The following SLC1A2 variants were observed in gnomAD, a reference collection of about 807,000 sequenced individuals.
SLC1A2 encodes solute carrier family 1 member 2.
SLC1A2 carries 15 observed loss-of-function variants against 48.8 expected under a neutral mutation model. The observed-to-expected ratio is 0.31, with a 90% CI of 0.21 to 0.47. The LOEUF (loss-of-function observed/expected upper bound fraction) is 0.47, where lower values mean the gene tolerates loss of function less well. SLC1A2 is among the 20% of genes least tolerant of loss of function. The pLI is 0.99. For missense variants in SLC1A2, 502 were observed against 730.5 expected (o/e 0.69, Z 3.61); for synonymous variants, 279 against 272.6 (o/e 1.02, Z -0.23).
At chr11:35,345,051 G>A (rs1318384428) in intron 1 of SLC1A2, among the ~76,000 whole-genome samples, 1 of 119,320 alleles carries the variant, frequency 8.4e-6, no homozygotes, top group African/African-American at 2.8e-5. Context: ...AGTTTTGAAT[G>A]CCCCAAGAGT....
At chr11:35,310,448 C>T (rs1851652037) in intron 4 of SLC1A2, among the ~76,000 whole-genome samples, 1 of 152,202 alleles carries the variant, frequency 6.6e-6, no homozygotes, top group Admixed American at 6.5e-5. Flanking sequence ...TTTCTGCATC[C>T]AACTTCCCTG....
At chr11:35,292,244 A>G in intron 7 of SLC1A2, 43 bp downstream of exon 7, 1 of 1,431,744 alleles carries the variant, frequency 7.0e-7, no homozygotes, top group Non-Finnish European at 9.8e-7. Flanking sequence ...CAAAGAGGGC[A>G]AAAGAGTGAG....
At chr11:35,388,035 G>A (rs1308149593) in intron 1 of SLC1A2, among the ~76,000 whole-genome samples, 1 of 152,202 alleles carries the variant, frequency 6.6e-6, no homozygotes, top group East Asian at 1.9e-4. Context: ...AGAGAACATG[G>A]CCTAAGCCTC....
At chr11:35,292,936 T>G (rs1299225296) in intron 6 of SLC1A2, among the ~76,000 whole-genome samples, 2 of 152,088 alleles carry the variant, frequency 1.3e-5, no homozygotes, top group African/African-American at 4.8e-5. Context: ...AATTTGTAAA[T>G]TTGCATTGTT....
chr11:35,389,260 A>G (rs895430559), intron 1 of SLC1A2, among the ~76,000 whole-genome samples: 7 of 152,150 alleles, frequency 4.6e-5, no homozygotes, highest in East Asian at 1.9e-4. Context: ...AAATGACTCA[A>G]TGCTTAAATC....
chr11:35,373,716 T>C lies in SLC1A2; in HGVS notation c.17+45234A>G, dbSNP rs151068813. 1.4e-3 allele frequency among the ~76,000 whole-genome samples: 215 copies of C among 152,242 alleles called. 2 individuals carry two copies. The highest frequency in any genetic ancestry group is 5.0e-3 in the African/African-American group (206 of 41,556). ...GCAGCATGGGCAAGGGGCATACTTGTCTGAGAACTGGGCAAGGAGCCATTG... is the reference window on the plus strand; with the variant it reads ...GCAGCATGGGCAAGGGGCATACTTGCCTGAGAACTGGGCAAGGAGCCATTG... On this transcript the variant is annotated intron_variant, in intron 1 of 10. Coordinates refer to ENST00000278379, the MANE Select transcript of SLC1A2 (RefSeq NM_004171.4).
At chr11:35,289,775 T>C (rs1489389636) in intron 7 of SLC1A2, among the ~76,000 whole-genome samples, 1 of 152,234 alleles carries the variant, frequency 6.6e-6, no homozygotes, top group African/African-American at 2.4e-5. Context: ...TAGCTTTGAC[T>C]AAGTACAAAT....
At chr11:35,359,509 G>GCCC (rs1853602317) in intron 1 of SLC1A2, among the ~76,000 whole-genome samples, 1 of 152,190 alleles carries the variant, frequency 6.6e-6, no homozygotes, top group Admixed American at 6.5e-5. Context: ...TGGCTCAGGA[G>GCCC]CCCAAGGTCA....
intron 1 of SLC1A2, among the ~76,000 whole-genome samples, chr11:35,383,606 T>C (rs991401518): frequency 6.6e-5 from 10 of 152,220 alleles, no homozygotes; most frequent in African/African-American, 2.4e-4. Context: ...GTAAGAATAG[T>C]TCCCACCTCA....
At chr11:35,379,141 A>G in intron 1 of SLC1A2, among the ~76,000 whole-genome samples, 1 of 152,212 alleles carries the variant, frequency 6.6e-6, no homozygotes, top group South Asian at 2.1e-4. Context: ...AGGCAGGAGT[A>G]TCGCTTGAAG....
chr11:35,323,500 T>C (rs1162350612), intron 1 of SLC1A2, among the ~76,000 whole-genome samples: 1 of 152,220 alleles, frequency 6.6e-6, no homozygotes, highest in Non-Finnish European at 1.5e-5. Context: ...ATCTATAAAA[T>C]AAGAGGGTTG....
At chr11:35,414,843 G>T (rs536621559) in intron 1 of SLC1A2, among the ~76,000 whole-genome samples, 1 of 152,180 alleles carries the variant, frequency 6.6e-6, no homozygotes, top group African/African-American at 2.4e-5. Context: ...TGTAGCAGGC[G>T]ACTGAAATGA....
intron 1 of SLC1A2, among the ~76,000 whole-genome samples, chr11:35,321,429 C>A (rs1275576984): frequency 1.3e-5 from 2 of 151,996 alleles, no homozygotes; most frequent in Non-Finnish European, 2.9e-5. Context: ...GGGGTTTCTT[C>A]AAGTATTTTA....
intron 1 of SLC1A2, among the ~76,000 whole-genome samples, chr11:35,360,587 A>G (rs1853643412): frequency 6.6e-6 from 1 of 152,222 alleles, no homozygotes; most frequent in Non-Finnish European, 1.5e-5. Flanking sequence ...GTGTAGAAGA[A>G]ACTAGCTCAT....
chr11:35,276,514 C>T (rs536442237), intron 9 of SLC1A2, among the ~76,000 whole-genome samples: 21 of 152,108 alleles, frequency 1.4e-4, no homozygotes, highest in Non-Finnish European at 2.2e-4. Context: ...GGAGTTAGGA[C>T]GCTCTGCTTT....
intron 1 of SLC1A2, among the ~76,000 whole-genome samples, chr11:35,321,607 C>T (rs900728312): frequency 6.6e-6 from 1 of 151,952 alleles, no homozygotes; most frequent in Non-Finnish European, 1.5e-5. Flanking sequence ...GCCCTGTCAC[C>T]ATCATGAATA....
intron 9 of SLC1A2, among the ~76,000 whole-genome samples, chr11:35,271,712 G>C (rs926972187): frequency 1.3e-5 from 2 of 152,036 alleles, no homozygotes; most frequent in Non-Finnish European, 2.9e-5. Flanking sequence ...GTGTGGTGTC[G>C]TGCACCTGTA....
chr11:35,388,793 G>C (rs372174171), intron 1 of SLC1A2, among the ~76,000 whole-genome samples: 4 of 152,264 alleles, frequency 2.6e-5, no homozygotes, highest in Admixed American at 6.5e-5. Flanking sequence ...ATACACCTTC[G>C]GATGCTCAGA....
chr11:35,329,485 C>G (rs918168428), intron 1 of SLC1A2, among the ~76,000 whole-genome samples: 3 of 152,180 alleles, frequency 2.0e-5, no homozygotes, highest in African/African-American at 7.2e-5. Context: ...TGGGAACTCT[C>G]TGTACTTTCC....
Sources: allele counts gnomAD v4.1 joint callset (sites outside exome capture counted in the v4.1 genomes callset), GRCh38; gene constraint gnomAD v4.1.1; transcripts MANE v1.5; gene names NCBI Gene and HGNC (gene_info 2026-07-23, HGNC 2026-07-21).